The following C1orf21 variants were observed in gnomAD, a reference collection of about 807,000 sequenced individuals.
The protein encoded by C1orf21 is chromosome 1 open reading frame 21.
A neutral mutation model predicts 18.7 loss-of-function variants in C1orf21; 3 were observed. That is an observed-to-expected ratio of 0.16 (90% CI 0.07 to 0.42). The LOEUF (loss-of-function observed/expected upper bound fraction) is 0.42. C1orf21 is among the 10% of genes least tolerant of loss of function. The pLI, the probability that C1orf21 is intolerant of heterozygous loss-of-function variation, is 0.99. For missense variants in C1orf21, 104 were observed against 143.6 expected (o/e 0.72, Z 1.41); for synonymous variants, 41 against 46.4 (o/e 0.88, Z 0.47).
chr1:184,449,185 G>A (rs976360307), intron 1 of C1orf21, among the ~76,000 whole-genome samples: 1 of 151,866 alleles, frequency 6.6e-6, no homozygotes. Flanking sequence ...ATCTCCTAAT[G>A]CTATCCCTCC....
intron 2 of C1orf21, among the ~76,000 whole-genome samples, chr1:184,495,271 G>A (rs576761521): frequency 1.3e-5 from 2 of 152,204 alleles, no homozygotes; most frequent in Admixed American, 1.3e-4. Flanking sequence ...GGAACTCTGA[G>A]CTCCAGTTTC....
intron 4 of C1orf21, among the ~76,000 whole-genome samples, chr1:184,597,112 G>C (rs982564274): frequency 1.3e-5 from 2 of 152,136 alleles, no homozygotes; most frequent in African/African-American, 4.8e-5. Flanking sequence ...CATCATCCCA[G>C]ATTCTGTTCT....
At chr1:184,480,814 G>A (rs1169373506) in intron 2 of C1orf21, among the ~76,000 whole-genome samples, 1 of 152,180 alleles carries the variant, frequency 6.6e-6, no homozygotes, top group Non-Finnish European at 1.5e-5. Context: ...GAGGGAGTGA[G>A]CAGTTGGGGG....
At chr1:184,403,036 A>C (rs1312961890) in intron 1 of C1orf21, among the ~76,000 whole-genome samples, 1 of 152,240 alleles carries the variant, frequency 6.6e-6, no homozygotes, top group African/African-American at 2.4e-5. Context: ...GAGTGGGAGC[A>C]GTTTTGTCTA....
chr1:184,596,873 C>CAA (rs11291932), intron 4 of C1orf21, among the ~76,000 whole-genome samples: 1,636 of 123,446 alleles, frequency 0.013, 31 homozygotes, highest in African/African-American at 0.043. Flanking sequence ...GACTCTGTCT[C>CAA]AAAAAAAAAA....
At chr1:184,508,196 G>A (rs1412221477) in intron 3 of C1orf21, among the ~76,000 whole-genome samples, 1 of 152,176 alleles carries the variant, frequency 6.6e-6, no homozygotes, top group African/African-American at 2.4e-5. Flanking sequence ...TGGGTTTTGA[G>A]TTTATGTGAG....
At chr1:184,590,654 A>G (rs12754557) in intron 3 of C1orf21, 85 bp from the exon 4 acceptor site, 113,580 of 1,350,668 alleles carry the variant, frequency 0.084, 5,606 homozygotes, top group African/African-American at 0.16. Context: ...AAACAGATTG[A>G]ACGTTTGTGT....
chr1:184,416,119 A>G (rs914551246), intron 1 of C1orf21, among the ~76,000 whole-genome samples: 3 of 152,224 alleles, frequency 2.0e-5, no homozygotes, highest in Admixed American at 6.5e-5. Flanking sequence ...TTGAAAGGCT[A>G]TCTAGATGGT....
At chr1:184,573,390 G>A (rs983257102) in intron 3 of C1orf21, among the ~76,000 whole-genome samples, 1 of 152,072 alleles carries the variant, frequency 6.6e-6, no homozygotes, top group Non-Finnish European at 1.5e-5. Flanking sequence ...CCTAGAAAAC[G>A]TAACATTCCT....
chr1:184,538,874 A>G (rs9970990), intron 3 of C1orf21, among the ~76,000 whole-genome samples: 80,563 of 152,036 alleles, frequency 0.53, 21,881 homozygotes, highest in African/African-American at 0.67. Context: ...TAAGTCATTT[A>G]TTCTAACAGA....
intron 2 of C1orf21, among the ~76,000 whole-genome samples, chr1:184,505,980 T>G (rs1328465763): frequency 2.6e-5 from 4 of 152,140 alleles, no homozygotes; most frequent in Non-Finnish European, 5.9e-5. Flanking sequence ...TAAATAATCC[T>G]TCATCAAATT....
At chr1:184,508,506 G>A (rs531221314) in intron 3 of C1orf21, among the ~76,000 whole-genome samples, 20 of 152,024 alleles carry the variant, frequency 1.3e-4, no homozygotes, top group South Asian at 8.3e-4. Context: ...ACTTAAACTC[G>A]TTTTTTTATA....
At chr1:184,511,881 G>C (rs968620896) in intron 3 of C1orf21, among the ~76,000 whole-genome samples, 1 of 152,164 alleles carries the variant, frequency 6.6e-6, no homozygotes, top group East Asian at 1.9e-4. Context: ...CTCACTCACT[G>C]TCATGAGAAC....
In C1orf21 at chr1:184,628,785, T is replaced by C. The variant is rs1353479094; in HGVS notation, c.*9229T>C. The C allele has an allele frequency of 6.6e-6, 1 of 152,570 alleles. No homozygotes were observed. Among genetic ancestry groups the C allele is most frequent in the East Asian group, 1.9e-4 (1 of 5,182 alleles). 9.5% of individuals were successfully genotyped at this position (152,570 alleles called of 1,614,324 possible). A position where few individuals can be genotyped will look rare whatever the true frequency, so the allele number is the denominator to read the frequency against. On this transcript the variant is annotated 3_prime_UTR_variant, in exon 6 of 6. Coordinates refer to ENST00000235307, the MANE Select transcript of C1orf21 (RefSeq NM_030806.4). ...ATCCCCAGCTCTCTCCTGATTGGAA[T>C]TCTTTGAACCCTCGAAGTGCTCCAG... is the stretch of plus-strand genomic sequence containing the variant.
chr1:184,591,239 T>G lies in C1orf21; in HGVS notation c.266+424T>G, dbSNP rs371895622. The stretch of plus-strand genomic sequence containing the variant: ...AGTGAGTTCCATTTTGCCTACCAGA[T>G]AATCAAGATCTAATATAAAGCTTTA... On this transcript the variant is annotated intron_variant, in intron 4 of 5. Coordinates refer to ENST00000235307, the MANE Select transcript of C1orf21 (RefSeq NM_030806.4). Among the ~76,000 whole-genome samples the G allele has an allele frequency of 4.6e-5, 7 of 152,314 alleles. No homozygotes were observed. The East Asian group carries it at 9.6e-4, about 21-fold the overall frequency.
At chr1:184,438,592 T>TG (rs1351922386) in intron 1 of C1orf21, among the ~76,000 whole-genome samples, 1 of 152,310 alleles carries the variant, frequency 6.6e-6, no homozygotes, top group African/African-American at 2.4e-5. Context: ...GACTGAGGTC[T>TG]GGGGCTGGGC....
At chr1:184,465,256 A>G (rs886854921) in intron 1 of C1orf21, among the ~76,000 whole-genome samples, 14 of 152,312 alleles carry the variant, frequency 9.2e-5, no homozygotes, top group Admixed American at 2.6e-4. Flanking sequence ...AATTAATGTG[A>G]TAATTTATTA....
intron 1 of C1orf21, among the ~76,000 whole-genome samples, chr1:184,464,932 CCTCT>C (rs368473718): frequency 1.3e-5 from 2 of 151,482 alleles, no homozygotes. Context: ...TCTCTCTCCG[CCTCT>C]CTCTCTCTCT....
In C1orf21 at chr1:184,500,441, A is replaced by G. The variant is rs565944908; in HGVS notation, c.95-7147A>G. ...AAGCTTTATCATTTTGATCCTTCTT[A>G]TAGAACCTCTGAACCCTAAGGTCAC... On this transcript the variant is annotated intron_variant, in intron 2 of 5. Coordinates refer to ENST00000235307, the MANE Select transcript of C1orf21 (RefSeq NM_030806.4). Among the ~76,000 whole-genome samples, 23 of 152,294 alleles carry G rather than the reference A, an allele frequency of 1.5e-4. No homozygotes were observed. The South Asian group carries it at 4.6e-3, about 30-fold the overall frequency.
Sources: allele counts gnomAD v4.1 joint callset (sites outside exome capture counted in the v4.1 genomes callset), GRCh38; gene constraint gnomAD v4.1.1; transcripts MANE v1.5; gene names NCBI Gene and HGNC (gene_info 2026-07-23, HGNC 2026-07-21).